NVL: variants seen among roughly 807,000 people sequenced by gnomAD.
NVL encodes nuclear VCP like, also known as nuclear valosin-containing protein-like.
Under a neutral mutation model 110.2 loss-of-function variants are expected in NVL, and 84 were observed. The ratio of observed to expected loss-of-function variants is 0.76; its 90% CI spans 0.64 to 0.91. NVL has a LOEUF of 0.91. NVL is among the 40% of genes least tolerant of loss of function. NVL has a pLI of 0.00. For synonymous variants in NVL, 354 were observed against 361.1 expected (o/e 0.98, Z 0.22); for missense variants, 882 against 1,035.9 (o/e 0.85, Z 2.04).
intron 19 of NVL, among the ~76,000 whole-genome samples, chr1:224,247,508 A>G (rs548531999): frequency 2.4e-4 from 37 of 152,064 alleles, no homozygotes; most frequent in African/African-American, 8.4e-4. Flanking sequence ...GTCTCTACTA[A>G]AAATACAAAA....
chr1:224,240,972 A>G (rs1444865591), intron 19 of NVL, among the ~76,000 whole-genome samples: 1 of 151,636 alleles, frequency 6.6e-6, no homozygotes, highest in East Asian at 1.9e-4. Flanking sequence ...TTGTATGTTT[A>G]GTAGAGATGG....
At position 224,294,816 on chromosome 1, in the gene NVL, A is replaced by G. The variant is rs571231337; in HGVS notation, c.1181-405T>C. On this transcript the variant is annotated intron_variant, in intron 11 of 22. Coordinates refer to ENST00000281701, the MANE Select transcript of NVL (RefSeq NM_002533.4). Reference sequence around the variant, plus strand: ...GGGTAAATACAATTTTAACAAGCAGATATATAGGCTAATGGAATTCTATGT... The same window carrying G: ...GGGTAAATACAATTTTAACAAGCAGGTATATAGGCTAATGGAATTCTATGT... 5.3e-5 allele frequency among the ~76,000 whole-genome samples: 8 copies of G among 152,300 alleles called. No homozygotes were observed. The South Asian group carries it at 8.3e-4, about 16-fold the overall frequency.
At chr1:224,272,067 G>A (rs932549384) in intron 17 of NVL, among the ~76,000 whole-genome samples, 5 of 151,900 alleles carry the variant, frequency 3.3e-5, no homozygotes, top group African/African-American at 1.2e-4. Flanking sequence ...CAGGCATGGT[G>A]GCTCATGCCT....
chr1:224,231,672 T>A (rs1659887035), intron 21 of NVL, among the ~76,000 whole-genome samples: 1 of 152,164 alleles, frequency 6.6e-6, no homozygotes, highest in Admixed American at 6.6e-5. Context: ...CACAATGAGA[T>A]CTTATGGAGC....
chr1:224,317,651 T>TA, intron 4 of NVL, 43 bp downstream of exon 4: 1 of 1,167,674 alleles, frequency 8.6e-7, no homozygotes, highest in Non-Finnish European at 1.3e-6. Flanking sequence ...TGTAACATGA[T>TA]AAAGTTCATG....
intron 18 of NVL, among the ~76,000 whole-genome samples, chr1:224,267,686 C>CAAA (rs532968583): frequency 3.9e-5 from 2 of 51,536 alleles, no homozygotes; most frequent in Admixed American, 2.2e-4. Flanking sequence ...GATTCTGTCT[C>CAAA]AAAAAAAAAA....
intron 17 of NVL, among the ~76,000 whole-genome samples, chr1:224,274,058 A>ACACACCCC (rs569757319): frequency 1.3e-5 from 2 of 151,570 alleles, no homozygotes; most frequent in African/African-American, 2.4e-5. Flanking sequence ...ACACACACAC[A>ACACACCCC]CCCATATTGA....
At chr1:224,312,845 T>TA (rs1669660408) in intron 4 of NVL, 2 of 133,556 alleles carry the variant, frequency 1.5e-5, no homozygotes, top group African/African-American at 2.8e-5. Flanking sequence ...ACTATTTAAA[T>TA]AAGAAAAAAA....
chr1:224,260,290 G>A (rs1380223622), intron 18 of NVL, among the ~76,000 whole-genome samples: 3 of 152,234 alleles, frequency 2.0e-5, no homozygotes, highest in South Asian at 2.1e-4. Flanking sequence ...TTTTTGAGAC[G>A]GAGTCTTGCT....
intron 13 of NVL, among the ~76,000 whole-genome samples, chr1:224,289,012 A>G (rs1195392818): frequency 6.6e-6 from 1 of 152,334 alleles, no homozygotes; most frequent in East Asian, 1.9e-4. Context: ...ACCAGGAGAT[A>G]TAATTAAATG....
chr1:224,237,071 G>A (rs912893716), intron 19 of NVL, among the ~76,000 whole-genome samples: 4 of 152,160 alleles, frequency 2.6e-5, no homozygotes, highest in African/African-American at 4.8e-5. Context: ...GAAAGCTAAA[G>A]GCAAACAATT....
At chr1:224,311,515 C>G (rs183048936) in intron 5 of NVL, among the ~76,000 whole-genome samples, 5 of 152,034 alleles carry the variant, frequency 3.3e-5, no homozygotes, top group Admixed American at 1.3e-4. Context: ...ACCACAGGTG[C>G]ATGCCACCAT....
intron 10 of NVL, among the ~76,000 whole-genome samples, chr1:224,300,317 G>A (rs951738769): frequency 8.5e-5 from 13 of 152,048 alleles, no homozygotes; most frequent in African/African-American, 3.1e-4. Flanking sequence ...AGGGTATGAC[G>A]GCCCAGAATT....
At chr1:224,273,178 C>T (rs971210334) in intron 17 of NVL, among the ~76,000 whole-genome samples, 4 of 151,986 alleles carry the variant, frequency 2.6e-5, no homozygotes, top group Non-Finnish European at 4.4e-5. Context: ...TTTGGGAGGC[C>T]GAGGATGGTG....
intron 18 of NVL, among the ~76,000 whole-genome samples, chr1:224,263,697 C>G (rs942828014): frequency 6.6e-6 from 1 of 152,230 alleles, no homozygotes; most frequent in Non-Finnish European, 1.5e-5. Context: ...TAAGCTCACA[C>G]AAATTCTCCA....
At chr1:224,235,931 T>TA (rs1558233645) in intron 20 of NVL, among the ~76,000 whole-genome samples, 1 of 50,192 alleles carries the variant, frequency 2.0e-5, no homozygotes. Context: ...AAACCCTGTA[T>TA]GGAAAAAAAA....
intron 13 of NVL, 22 bp from the exon 14 acceptor site, chr1:224,288,015 G>A (rs1558308801): frequency 3.2e-6 from 5 of 1,561,438 alleles, no homozygotes; most frequent in South Asian, 2.3e-5. Flanking sequence ...CAATAGAGGG[G>A]AAAAAAATAA....
chr1:224,276,458 C>G (rs1270711069), intron 16 of NVL, among the ~76,000 whole-genome samples: 1 of 152,044 alleles, frequency 6.6e-6, no homozygotes, highest in African/African-American at 2.4e-5. Context: ...AGGCTGGTCT[C>G]GAACTCCTGA....
At chr1:224,244,932 C>T (rs1397140751) in intron 19 of NVL, among the ~76,000 whole-genome samples, 2 of 152,162 alleles carry the variant, frequency 1.3e-5, no homozygotes, top group Non-Finnish European at 1.5e-5. Context: ...GTGATCCGCC[C>T]GCCTTGGCCT....
Sources: gnomAD v4.1 joint callset for allele counts (sites outside exome capture counted in the v4.1 genomes callset) on GRCh38, gnomAD v4.1.1 for gene constraint, MANE v1.5 for transcripts, NCBI Gene and HGNC (gene_info 2026-07-23, HGNC 2026-07-21) for gene names.